Variants in OSBPL10 observed in about 807,000 individuals in gnomAD.
OSBPL10 encodes the protein oxysterol-binding protein-related protein 10.
Under a neutral mutation model 81.7 loss-of-function variants are expected in OSBPL10, and 49 were observed. That is an observed-to-expected ratio of 0.60 (90% CI 0.48 to 0.76). OSBPL10 has a LOEUF of 0.76. OSBPL10 is among the 30% of genes least tolerant of loss of function. OSBPL10 has a pLI of 0.00. For missense variants in OSBPL10, 923 were observed against 987.8 expected, an observed-to-expected ratio of 0.93 and a Z score of 0.88; for synonymous variants, 419 against 383.6, an observed-to-expected ratio of 1.09 and a Z score of -1.08.
rs920481765 is a variant in OSBPL10 at position 31,963,486 on chromosome 3, C to A, written c.281+17413G>T. 3.3e-5 allele frequency among the ~76,000 whole-genome samples: 5 copies of A among 152,216 alleles called. No homozygotes were observed. The South Asian group carries it at 8.3e-4, about 25-fold the overall frequency. ...CTGCCAGTTCTTCAAATGATGACAG[C>A]AGGAGTGATGCACAGATTCTAAAAC... is the stretch of plus-strand genomic sequence containing the variant. On this transcript the variant is annotated intron_variant, in intron 1 of 11. Transcript: ENST00000396556.
chr3:31,917,950 T>G (rs1438099173), intron 1 of OSBPL10, among the ~76,000 whole-genome samples: 1 of 152,040 alleles, frequency 6.6e-6, no homozygotes, highest in Non-Finnish European at 1.5e-5. Flanking sequence ...TAACTTTAAT[T>G]TGTTAAATTT....
chr3:31,702,273 A>G, intron 7 of OSBPL10, 86 bp downstream of exon 7: 1 of 1,476,386 alleles, frequency 6.8e-7, no homozygotes, highest in East Asian at 2.3e-5. Context: ...TCTCACCACA[A>G]CGAAAAGAAT....
intron 1 of OSBPL10, among the ~76,000 whole-genome samples, chr3:31,908,935 T>C (rs955760095): frequency 3.3e-5 from 5 of 152,194 alleles, no homozygotes; most frequent in African/African-American, 1.2e-4. Flanking sequence ...TGAAATCATT[T>C]CTACAGGAAG....
chr3:31,902,920 A>G (rs1245868398), intron 1 of OSBPL10, among the ~76,000 whole-genome samples: 5 of 152,212 alleles, frequency 3.3e-5, no homozygotes, highest in African/African-American at 1.2e-4. Flanking sequence ...CAAAGAGAGC[A>G]GTGAGGAAGA....
At chr3:31,908,468 C>T (rs1696480418) in intron 1 of OSBPL10, among the ~76,000 whole-genome samples, 1 of 152,156 alleles carries the variant, frequency 6.6e-6, no homozygotes, top group South Asian at 2.1e-4. Flanking sequence ...AAGAGCCACC[C>T]CCTTCTCTTG....
chr3:31,686,974 A>G (rs57905835), intron 7 of OSBPL10, among the ~76,000 whole-genome samples: 2,744 of 152,280 alleles, frequency 0.018, 73 homozygotes, highest in African/African-American at 0.062. Context: ...GGGCTCCCCT[A>G]TGAACTCCAC....
At chr3:31,754,377 G>C (rs6805478) in intron 4 of OSBPL10, among the ~76,000 whole-genome samples, 1 of 152,082 alleles carries the variant, frequency 6.6e-6, no homozygotes, top group African/African-American at 2.4e-5. Context: ...GAGTGACGGT[G>C]GCAATAACGG....
chr3:31,843,617 A>T (rs1227054319), intron 3 of OSBPL10, among the ~76,000 whole-genome samples: 4 of 152,156 alleles, frequency 2.6e-5, no homozygotes, highest in African/African-American at 9.7e-5. Context: ...GACATCTCTG[A>T]TCATTGTTGG....
intron 3 of OSBPL10, among the ~76,000 whole-genome samples, chr3:31,866,004 G>A (rs1701169493): frequency 6.6e-6 from 1 of 152,084 alleles, no homozygotes; most frequent in Non-Finnish European, 1.5e-5. Context: ...ATGTCACTGG[G>A]TTAATCTTGC....
intron 6 of OSBPL10, chr3:31,709,000 G>A (rs1297018410): frequency 6.1e-6 from 6 of 985,342 alleles, no homozygotes; most frequent in African/African-American, 1.7e-5. Flanking sequence ...TCCAAAGCCA[G>A]GCAACCAACT....
intron 8 of OSBPL10, among the ~76,000 whole-genome samples, chr3:31,683,360 C>G (rs555212913): frequency 1.3e-5 from 2 of 152,216 alleles, no homozygotes; most frequent in East Asian, 3.9e-4. Flanking sequence ...GTAAGGTGTG[C>G]ACGCACGCGC....
intron 3 of OSBPL10, among the ~76,000 whole-genome samples, chr3:31,845,594 C>T (rs1261331075): frequency 6.6e-6 from 1 of 152,168 alleles, no homozygotes; most frequent in South Asian, 2.1e-4. Context: ...CTGTTTATTA[C>T]ACACAGAGCA....
At chr3:31,799,022 T>A (rs1699308139) in intron 4 of OSBPL10, among the ~76,000 whole-genome samples, 1 of 152,168 alleles carries the variant, frequency 6.6e-6, no homozygotes, top group South Asian at 2.1e-4. Context: ...GCTCACCTCC[T>A]GCTATGCCGC....
At chr3:31,680,144 C>T (rs550829111) in intron 8 of OSBPL10, among the ~76,000 whole-genome samples, 2 of 152,250 alleles carry the variant, frequency 1.3e-5, no homozygotes, top group South Asian at 2.1e-4. Flanking sequence ...GAAAAGAGGC[C>T]GGTGAGGAAA....
At chr3:32,075,418 T>C (rs9855553) in intron 1 of OSBPL10, among the ~76,000 whole-genome samples, 104,362 of 151,924 alleles carry the variant, frequency 0.69, 38,440 homozygotes, top group East Asian at 0.89. Context: ...TTTAATTGGA[T>C]GTCCTGGGTA....
At chr3:31,702,604 C>A in intron 6 of OSBPL10, 96 bp from the exon 7 acceptor site, 4 of 1,506,174 alleles carry the variant, frequency 2.7e-6, no homozygotes, top group Non-Finnish European at 3.6e-6. Flanking sequence ...CAGAAGAAAC[C>A]CAATCCTGTC....
chr3:31,767,231 G>A (rs984608257), intron 4 of OSBPL10, among the ~76,000 whole-genome samples: 11 of 152,124 alleles, frequency 7.2e-5, no homozygotes, highest in African/African-American at 2.7e-4. Flanking sequence ...ATGCAGTTGT[G>A]ATTAAAACAG....
At chr3:31,685,446 A>AC (rs970746148) in intron 7 of OSBPL10, among the ~76,000 whole-genome samples, 2 of 152,092 alleles carry the variant, frequency 1.3e-5, no homozygotes. Context: ...CAAGCAATCC[A>AC]CCCGTCTTGG....
chr3:31,780,040 C>A (rs1698647358), intron 4 of OSBPL10, among the ~76,000 whole-genome samples: 2 of 152,148 alleles, frequency 1.3e-5, no homozygotes, highest in Admixed American at 6.5e-5. Context: ...CGCCTGTAAT[C>A]CCAGCACTTT....
Sources: allele counts gnomAD v4.1 joint callset (sites outside exome capture counted in the v4.1 genomes callset), GRCh38; gene constraint gnomAD v4.1.1; transcripts MANE v1.5; gene names NCBI Gene and HGNC (gene_info 2026-07-23, HGNC 2026-07-21).